The following GRIK3 variants were observed in gnomAD, a reference collection of about 807,000 sequenced individuals.
The protein encoded by GRIK3 is glutamate ionotropic receptor kainate type subunit 3.
GRIK3 carries 29 observed loss-of-function variants against 102.5 expected under a neutral mutation model. That is an observed-to-expected ratio of 0.28 (90% confidence interval 0.21 to 0.39). The LOEUF is 0.39. Among genes scored for constraint, GRIK3 ranks in the 10% least tolerant of loss-of-function variants. GRIK3 has a pLI of 1.00. For missense variants in GRIK3, 908 were observed against 1,252.4 expected, an observed-to-expected ratio of 0.73 and a Z score of 4.15; for synonymous variants, 511 against 504.9, an observed-to-expected ratio of 1.01 and a Z score of -0.16.
intron 1 of GRIK3, among the ~76,000 whole-genome samples, chr1:37,015,077 T>G (rs1192083049): frequency 6.6e-6 from 1 of 152,118 alleles, no homozygotes; most frequent in Non-Finnish European, 1.5e-5. Flanking sequence ...AATATCCTGG[T>G]CCCATCTCTG....
At chr1:36,903,356 C>T (rs1641251551) in intron 1 of GRIK3, among the ~76,000 whole-genome samples, 1 of 152,236 alleles carries the variant, frequency 6.6e-6, no homozygotes, top group Non-Finnish European at 1.5e-5. Flanking sequence ...CAGGAGCCCT[C>T]ATTCACTGCT....
At chr1:36,979,368 G>C (rs1642226979) in intron 1 of GRIK3, among the ~76,000 whole-genome samples, 1 of 152,214 alleles carries the variant, frequency 6.6e-6, no homozygotes, top group East Asian at 1.9e-4. Context: ...TAACTCAAAG[G>C]CTGGTTTTGG....
intron 12 of GRIK3, among the ~76,000 whole-genome samples, chr1:36,818,938 C>A (rs1334627801): frequency 6.6e-6 from 1 of 152,192 alleles, no homozygotes; most frequent in African/African-American, 2.4e-5. Context: ...AGGGAGTGAG[C>A]ACATGGCTGG....
At position 36,905,122 on chromosome 1, in the gene GRIK3, GA is replaced by G. The variant is rs367845106; in HGVS notation, c.116-14027del. On this transcript the variant is annotated intron_variant, in intron 1 of 15. Coordinates refer to ENST00000373091, the MANE Select transcript of GRIK3 (RefSeq NM_000831.4). ...CAATAAACAGCAAGGAATTATAGGG[GA>G]AAAAAAGAGACCCTACTCACAAAAA... Among the ~76,000 whole-genome samples the G allele has an allele frequency of 2.1e-4, 32 of 151,088 alleles. No individual in the cohort carries two copies. The East Asian group carries it at 4.9e-3, about 23-fold the overall frequency.
rs1012637707 is a variant in GRIK3 at position 36,799,169 on chromosome 1, T to G, written c.*2682A>C. The G allele has an allele frequency of 6.6e-6, 1 of 152,240 alleles. No individual in the cohort carries two copies. Among genetic ancestry groups the G allele is most frequent in the African/African-American group, 2.4e-5 (1 of 41,466 alleles). 9.4% of individuals were successfully genotyped at this position (152,240 alleles called of 1,614,324 possible). ...AGTTTTCCCTTCAAACAGGACATGA[T>G]GTCCACAGCAAAGGCATCAGCAGCA... On this transcript the variant is annotated 3_prime_UTR_variant, in exon 16 of 16. Coordinates refer to ENST00000373091, the MANE Select transcript of GRIK3 (RefSeq NM_000831.4).
At chr1:36,912,579 C>A (rs1431068839) in intron 1 of GRIK3, among the ~76,000 whole-genome samples, 1 of 152,090 alleles carries the variant, frequency 6.6e-6, no homozygotes, top group Non-Finnish European at 1.5e-5. Context: ...GCCCTCCTCA[C>A]AGGGCTTGCA....
At chr1:36,862,246 G>A (rs900578937) in intron 5 of GRIK3, among the ~76,000 whole-genome samples, 1 of 152,180 alleles carries the variant, frequency 6.6e-6, no homozygotes, top group Non-Finnish European at 1.5e-5. Context: ...GCCATGGTAG[G>A]AGTATTTGTA....
rs370722837 is a variant in GRIK3 at position 36,819,832 on chromosome 1, C to T, written c.1777G>A (p.Asp593Asn). Reference protein sequence around the residue: ...IARFSPYEWYDAHPCNPGSEV... With the variant: ...IARFSPYEWYNAHPCNPGSEV... ...GAGCCAGGGTTGCAGGGGTGAGCAT[C>T]GTACCACTCATAAGGGCTGAACCTG... The change falls in exon 12 of 16, where the codon GAT becomes AAT. Residue 593 changes from aspartate to asparagine, a missense_variant. Coordinates refer to ENST00000373091, the MANE Select transcript of GRIK3 (RefSeq NM_000831.4). The surrounding 1 kb of genome is among the most constrained non-coding windows in gnomAD (Gnocchi z 4.1). 40 of 1,582,790 alleles carry T rather than the reference C, an allele frequency of 2.5e-5. No homozygotes were observed. Among genetic ancestry groups the T allele is most frequent in the South Asian group, 1.9e-4 (17 of 87,696 alleles).
At chr1:36,946,807 G>A (rs1043074223) in intron 1 of GRIK3, among the ~76,000 whole-genome samples, 2 of 152,068 alleles carry the variant, frequency 1.3e-5, no homozygotes, top group Admixed American at 1.3e-4. Flanking sequence ...CCTATTCTGT[G>A]AGACACAAAA....
intron 1 of GRIK3, among the ~76,000 whole-genome samples, chr1:36,918,911 C>A (rs567697839): frequency 2.0e-5 from 3 of 152,220 alleles, no homozygotes; most frequent in Non-Finnish European, 2.9e-5. Context: ...TACTATTCAT[C>A]GAACACCAAT....
intron 1 of GRIK3, among the ~76,000 whole-genome samples, chr1:36,908,869 T>G (rs980080305): frequency 7.9e-5 from 12 of 151,770 alleles, no homozygotes; most frequent in African/African-American, 2.9e-4. Context: ...AGGGTGCAGC[T>G]GGAATATTTT....
chr1:36,987,343 C>T (rs1055248443), intron 1 of GRIK3, among the ~76,000 whole-genome samples: 6 of 151,894 alleles, frequency 4.0e-5, no homozygotes, highest in Non-Finnish European at 8.8e-5. Flanking sequence ...GGCAGCAGAC[C>T]CTGAGGCAAG....
chr1:36,956,240 G>A (rs1641904109), intron 1 of GRIK3, among the ~76,000 whole-genome samples: 2 of 152,248 alleles, frequency 1.3e-5, no homozygotes, highest in Non-Finnish European at 2.9e-5. Flanking sequence ...CAGGGCTGAG[G>A]GTGGGAAGCA....
chr1:36,853,359 C>T lies in GRIK3; in HGVS notation c.1212+256G>A, dbSNP rs114263991. Reference sequence around the variant, plus strand: ...TTCCGAGGTTAGGCATCCCCAATGACCCTTACTCACAGAGTGACAGTGTGG... The same window carrying T: ...TTCCGAGGTTAGGCATCCCCAATGATCCTTACTCACAGAGTGACAGTGTGG... On this transcript the variant is annotated intron_variant, in intron 8 of 15. Transcript: ENST00000373091. 3.8e-3 allele frequency among the ~76,000 whole-genome samples: 582 copies of T among 152,310 alleles called. 1 individual carries two copies. The highest frequency in any genetic ancestry group is 6.5e-3 in the Non-Finnish European group (439 of 68,022).
intron 8 of GRIK3, among the ~76,000 whole-genome samples, chr1:36,851,453 G>A (rs1267957767): frequency 2.6e-5 from 4 of 152,252 alleles, no homozygotes; most frequent in Non-Finnish European, 4.4e-5. Flanking sequence ...AGACGGCATC[G>A]AAGAGGCTCT....
At chr1:36,989,225 G>C (rs1406197854) in intron 1 of GRIK3, among the ~76,000 whole-genome samples, 3 of 152,170 alleles carry the variant, frequency 2.0e-5, no homozygotes, top group African/African-American at 7.2e-5. Context: ...TAACTGAAGA[G>C]GTTGTGCGTC....
chr1:37,013,704 A>C (rs138615150), intron 1 of GRIK3, among the ~76,000 whole-genome samples: 1 of 152,286 alleles, frequency 6.6e-6, no homozygotes, highest in East Asian at 1.9e-4. Flanking sequence ...CCCTAGCTGG[A>C]AGGGGTGTCA....
At chr1:36,984,760 G>A (rs1642287146) in intron 1 of GRIK3, among the ~76,000 whole-genome samples, 1 of 152,214 alleles carries the variant, frequency 6.6e-6, no homozygotes, top group South Asian at 2.1e-4. Context: ...CCCCACGCTG[G>A]GATCATCTGA....
At chr1:37,014,933 GTCTC>G (rs56296966) in intron 1 of GRIK3, among the ~76,000 whole-genome samples, 3,307 of 139,602 alleles carry the variant, frequency 0.024, 89 homozygotes, top group African/African-American at 0.068. Context: ...CTCTGTTTTT[GTCTC>G]TCTCTCTCTC....
Sources: gnomAD v4.1 joint callset for allele counts (sites outside exome capture counted in the v4.1 genomes callset) on GRCh38, gnomAD v4.1.1 for gene constraint, Gnocchi (gnomAD v3.1) non-coding constraint, MANE v1.5 for transcripts, NCBI Gene and HGNC (gene_info 2026-07-23, HGNC 2026-07-21) for gene names.